BICC1: variants seen among roughly 807,000 people sequenced by gnomAD.
BICC1 encodes the protein protein bicaudal C homolog 1.
BICC1 carries 43 observed loss-of-function variants against 111.0 expected under a neutral mutation model. The observed-to-expected ratio is 0.39, with a 90% CI of 0.30 to 0.50. The LOEUF (loss-of-function observed/expected upper bound fraction) is 0.50. BICC1 is among the 20% of genes least tolerant of loss of function. The probability of loss-of-function intolerance (pLI) is 0.88; values close to 1 mark genes in which losing one functional copy is unlikely to be tolerated. For missense variants in BICC1, 1,091 were observed against 1,203.2 expected, an observed-to-expected ratio of 0.91 and a Z score of 1.38; for synonymous variants, 467 against 434.4, an observed-to-expected ratio of 1.07 and a Z score of -0.93.
intron 1 of BICC1, among the ~76,000 whole-genome samples, chr10:58,552,109 T>TA (rs1002140681): frequency 3.9e-4 from 59 of 150,762 alleles, no homozygotes; most frequent in African/African-American, 1.2e-3. Flanking sequence ...TACAAAAATG[T>TA]AAAAAAAACC....
intron 17 of BICC1, among the ~76,000 whole-genome samples, chr10:58,811,656 C>T (rs184908715): frequency 6.6e-6 from 1 of 152,128 alleles, no homozygotes; most frequent in Non-Finnish European, 1.5e-5. Context: ...ATACAAGGTT[C>T]TTACTTTCTC....
At chr10:58,676,854 C>G (rs1839360325) in intron 2 of BICC1, among the ~76,000 whole-genome samples, 1 of 152,176 alleles carries the variant, frequency 6.6e-6, no homozygotes, top group Non-Finnish European at 1.5e-5. Context: ...GAGGAAGGAG[C>G]AGGCAGTAAT....
At chr10:58,646,706 G>A (rs1838280013) in intron 2 of BICC1, among the ~76,000 whole-genome samples, 1 of 152,062 alleles carries the variant, frequency 6.6e-6, no homozygotes, top group Non-Finnish European at 1.5e-5. Flanking sequence ...TTTATTTTAG[G>A]CCATGGAGAT....
chr10:58,702,032 A>G (rs776984511), intron 2 of BICC1, 42 bp from the exon 3 acceptor site: 238 of 1,476,914 alleles, frequency 1.6e-4, no homozygotes, highest in Middle Eastern at 3.5e-4. Flanking sequence ...TGTAAATACA[A>G]GTTTTTAATT....
At chr10:58,664,332 T>C (rs1838940743) in intron 2 of BICC1, among the ~76,000 whole-genome samples, 3 of 152,222 alleles carry the variant, frequency 2.0e-5, no homozygotes. Context: ...CATTTTTTAA[T>C]GTGCTTAATC....
intron 3 of BICC1, among the ~76,000 whole-genome samples, chr10:58,767,842 G>A (rs1263814129): frequency 6.6e-6 from 1 of 151,938 alleles, no homozygotes; most frequent in African/African-American, 2.4e-5. Flanking sequence ...GCATCAGAGA[G>A]AGTCAACAGC....
intron 1 of BICC1, among the ~76,000 whole-genome samples, chr10:58,603,733 G>T (rs1007634473): frequency 6.6e-6 from 1 of 152,142 alleles, no homozygotes; most frequent in Non-Finnish European, 1.5e-5. Context: ...ATTGATGGAG[G>T]TGGAATTCTA....
chr10:58,609,931 C>T (rs982699872), intron 1 of BICC1, among the ~76,000 whole-genome samples: 3 of 152,152 alleles, frequency 2.0e-5, no homozygotes, highest in East Asian at 1.9e-4. Context: ...CCAGACTAAA[C>T]GATGCTTCAG....
chr10:58,620,674 T>G (rs1238912496), intron 1 of BICC1, among the ~76,000 whole-genome samples, 181 bp from the exon 2 acceptor site: 1 of 152,208 alleles, frequency 6.6e-6, no homozygotes, highest in Non-Finnish European at 1.5e-5. Flanking sequence ...ATGTAATTGA[T>G]GGATTGGATT....
intron 3 of BICC1, among the ~76,000 whole-genome samples, chr10:58,734,147 C>G (rs1214682086): frequency 1.3e-5 from 2 of 152,202 alleles, no homozygotes; most frequent in African/African-American, 4.8e-5. Context: ...AGATCTGCCA[C>G]CCTGCCTCTG....
At chr10:58,774,246 T>A (rs1842692674) in intron 3 of BICC1, among the ~76,000 whole-genome samples, 1 of 152,200 alleles carries the variant, frequency 6.6e-6, no homozygotes, top group Non-Finnish European at 1.5e-5. Flanking sequence ...GTTGAGAAAC[T>A]GCATGGCAAA....
At chr10:58,700,999 CT>C (rs1368311459) in intron 2 of BICC1, among the ~76,000 whole-genome samples, 1 of 152,080 alleles carries the variant, frequency 6.6e-6, no homozygotes, top group Non-Finnish European at 1.5e-5. Context: ...GCTGTAAGCC[CT>C]TTTATATTAT....
intron 3 of BICC1, among the ~76,000 whole-genome samples, chr10:58,765,165 C>G (rs1168960945): frequency 6.6e-6 from 1 of 152,068 alleles, no homozygotes. Flanking sequence ...TCACTGCAAC[C>G]TCCGCCTCTC....
At chr10:58,555,898 T>A (rs1210701603) in intron 1 of BICC1, among the ~76,000 whole-genome samples, 1 of 152,202 alleles carries the variant, frequency 6.6e-6, no homozygotes, top group African/African-American at 2.4e-5. Flanking sequence ...CATTATGTTC[T>A]ACACTAAGGA....
chr10:58,661,177 G>A (rs957601907), intron 2 of BICC1, among the ~76,000 whole-genome samples: 16 of 149,794 alleles, frequency 1.1e-4, no homozygotes, highest in Admixed American at 8.7e-4. Context: ...TTTCAAATTC[G>A]TAATTTTTTA....
intron 17 of BICC1, among the ~76,000 whole-genome samples, chr10:58,809,092 G>A (rs962511396): frequency 5.9e-5 from 9 of 152,046 alleles, no homozygotes; most frequent in African/African-American, 2.2e-4. Flanking sequence ...GCAGGATCTC[G>A]CCTCACTGCA....
At chr10:58,788,349 T>A in intron 5 of BICC1, 21 bp from the exon 6 acceptor site, 1 of 1,577,158 alleles carries the variant, frequency 6.3e-7, no homozygotes, top group Non-Finnish European at 8.7e-7. Context: ...AATCTAACTT[T>A]GTATTTTCCT....
intron 2 of BICC1, among the ~76,000 whole-genome samples, chr10:58,685,808 G>A (rs914479994): frequency 1.3e-5 from 2 of 152,086 alleles, no homozygotes; most frequent in Non-Finnish European, 2.9e-5. Flanking sequence ...AATGGCTCTT[G>A]ACTGTATCCA....
chr10:58,829,195 T>A lies in BICC1; in HGVS notation c.*304T>A. The stretch of plus-strand genomic sequence containing the variant: ...TATATAACATATGCACTGATGATTT[T>A]TTTTTTTTTTTTTTTTTTTTTTTTT... On this transcript the variant is annotated 3_prime_UTR_variant, in exon 21 of 21. Coordinates refer to ENST00000373886, the MANE Select transcript of BICC1 (RefSeq NM_001080512.3). 2 of 139,792 alleles carry A rather than the reference T, an allele frequency of 1.4e-5. No homozygotes were observed. Among genetic ancestry groups the A allele is most frequent in the Non-Finnish European group, 3.1e-5 (2 of 65,234 alleles). 8.7% of individuals were successfully genotyped at this position (139,792 alleles called of 1,614,324 possible).
Sources: gnomAD v4.1 joint callset for allele counts (sites outside exome capture counted in the v4.1 genomes callset) on GRCh38, gnomAD v4.1.1 for gene constraint, MANE v1.5 for transcripts, NCBI Gene and HGNC (gene_info 2026-07-23, HGNC 2026-07-21) for gene names.